HIPK3: variants seen among roughly 807,000 people sequenced by gnomAD.
The protein encoded by HIPK3 is homeodomain-interacting protein kinase 3.
Under a neutral mutation model 124.2 loss-of-function variants are expected in HIPK3, and 47 were observed. The ratio of observed to expected loss-of-function variants is 0.38; its 90% confidence interval spans 0.30 to 0.48. The LOEUF (loss-of-function observed/expected upper bound fraction) is 0.48, where lower values mean the gene tolerates loss of function less well. Ranked by LOEUF, HIPK3 falls within the 20% of genes least tolerant of loss-of-function variation. The pLI, the probability that HIPK3 is intolerant of heterozygous loss-of-function variation, is 0.98. For missense variants in HIPK3, 1,286 were observed against 1,454.3 expected (o/e 0.88, Z 1.88); for synonymous variants, 482 against 515.2 (o/e 0.94, Z 0.87).
intron 1 of HIPK3, among the ~76,000 whole-genome samples, chr11:33,260,700 A>T (rs1331271058): frequency 2.6e-5 from 4 of 152,220 alleles, no homozygotes; most frequent in Non-Finnish European, 1.5e-5. Flanking sequence ...AGATGAAAAG[A>T]TGTCATGGTA....
chr11:33,349,349 C>A (rs1049937561), intron 14 of HIPK3, 62 bp downstream of exon 14: 246 of 1,385,204 alleles, frequency 1.8e-4, no homozygotes, highest in Non-Finnish European at 2.6e-5. Flanking sequence ...CCTACGATTT[C>A]TTTCTGTTGT....
intron 3 of HIPK3, 69 bp from the exon 4 acceptor site, chr11:33,337,006 C>T (rs1223458809): frequency 1.8e-6 from 2 of 1,129,568 alleles, no homozygotes; most frequent in South Asian, 1.5e-5. Flanking sequence ...AACATATAGC[C>T]TAGTGTCTGA....
chr11:33,348,585 T>C lies in HIPK3; in HGVS notation c.2433T>C (p.Asn811=). The change falls in exon 13 of 17, where the codon AAT becomes AAC. Residue 811 remains asparagine (N), a synonymous_variant. Coordinates refer to ENST00000303296, the MANE Select transcript of HIPK3 (RefSeq NM_005734.5). ...CATTTATTTCTCCAAAGATAATTAA[T>C]GGGAAAGATGTCGAGGAAGTAAGTT... is the stretch of plus-strand genomic sequence containing the variant. The part of the protein sequence containing the change: ...HSAFISPKII[N]GKDVEEVSCI... The C allele has an allele frequency of 6.2e-7, 1 of 1,613,718 alleles. No individual in the cohort carries two copies. The highest frequency in any genetic ancestry group is 8.5e-7 in the Non-Finnish European group (1 of 1,179,630).
rs1280777867 is a variant in HIPK3 at position 33,338,668 on chromosome 11, T to C, written c.1342-89T>C. 3 of 672,220 alleles carry C rather than the reference T, an allele frequency of 4.5e-6. No homozygotes were observed. The East Asian group carries it at 9.1e-5, about 20-fold the overall frequency. The allele number at this position is 672,220 out of a possible 1,614,324, so 41.6% of individuals were successfully genotyped here. ...TCTCTTTTGAAATTACTATTTGCCT[T>C]AGAATATTTAATATATTAGACTAAA... On this transcript the variant is annotated intron_variant, in intron 4 of 16. Coordinates refer to ENST00000303296, the MANE Select transcript of HIPK3 (RefSeq NM_005734.5).
In HIPK3 at chr11:33,287,080, T is replaced by A. The variant is rs374098516; in HGVS notation, c.666T>A (p.Ile222=). The change falls in exon 2 of 17, where the codon ATT becomes ATA. Residue 222 remains isoleucine, a synonymous_variant. Transcript: ENST00000303296. Reference sequence around the variant, plus strand: ...GCTGGAAAAGAGGGACAAATGAAATTGTAGCAATCAAAATTTTGAAGAATC... The same window carrying A: ...GCTGGAAAAGAGGGACAAATGAAATAGTAGCAATCAAAATTTTGAAGAATC... ...VKCWKRGTNE[I]VAIKILKNHP... is the part of the protein sequence containing the mutation. 1.9e-6 allele frequency: 3 copies of A among 1,614,074 alleles called. No homozygotes were observed. In the Admixed American group the frequency reaches 5.0e-5, roughly 27 times the overall value.
intron 14 of HIPK3, among the ~76,000 whole-genome samples, chr11:33,351,361 GA>G (rs761305660): frequency 2.2e-4 from 32 of 145,544 alleles, no homozygotes; most frequent in South Asian, 1.1e-3. Context: ...AGGGAAAGAA[GA>G]AAAAAAAAAT....
intron 4 of HIPK3, among the ~76,000 whole-genome samples, 156 bp downstream of exon 4, chr11:33,337,350 C>T (rs1853182580): frequency 6.7e-6 from 1 of 149,716 alleles, no homozygotes; most frequent in South Asian, 2.1e-4. Context: ...TTATTTTTTT[C>T]AATTTTTTTA....
At chr11:33,311,647 C>A (rs1293546349) in intron 2 of HIPK3, among the ~76,000 whole-genome samples, 1 of 152,092 alleles carries the variant, frequency 6.6e-6, no homozygotes, top group African/African-American at 2.4e-5. Context: ...GATTGATAAA[C>A]CTCCATTGAT....
intron 2 of HIPK3, among the ~76,000 whole-genome samples, chr11:33,301,832 A>G (rs181891663): frequency 2.6e-5 from 4 of 151,136 alleles, no homozygotes; most frequent in Admixed American, 2.6e-4. Flanking sequence ...ACACACACAC[A>G]CACACACACA....
chr11:33,258,695 G>A, intron 1 of HIPK3: 1 of 985,408 alleles, frequency 1.0e-6, no homozygotes, highest in Non-Finnish European at 1.2e-6. Flanking sequence ...AAAATGGTAT[G>A]TGGCTCTCGG....
intron 1 of HIPK3, among the ~76,000 whole-genome samples, chr11:33,262,490 C>T (rs1850851209): frequency 6.6e-6 from 1 of 152,350 alleles, no homozygotes; most frequent in Admixed American, 6.5e-5. Context: ...TGAGACACCA[C>T]TGTTATGCCA....
intron 2 of HIPK3, among the ~76,000 whole-genome samples, chr11:33,295,067 G>GT (rs1242709277): frequency 6.6e-6 from 1 of 151,976 alleles, no homozygotes; most frequent in Non-Finnish European, 1.5e-5. Flanking sequence ...ATGGACTGCT[G>GT]TGACAACATC....
chr11:33,321,473 T>C (rs747991175), intron 2 of HIPK3, among the ~76,000 whole-genome samples: 12 of 152,234 alleles, frequency 7.9e-5, no homozygotes, highest in Admixed American at 2.0e-4. Flanking sequence ...GAAAGAGATA[T>C]TGGTAATGAG....
At chr11:33,314,041 C>T (rs1221590131) in intron 2 of HIPK3, among the ~76,000 whole-genome samples, 1 of 151,932 alleles carries the variant, frequency 6.6e-6, no homozygotes, top group East Asian at 1.9e-4. Context: ...AGGCTGGTCT[C>T]GTACTCCTGG....
chr11:33,275,086 C>A (rs1432096172), intron 1 of HIPK3, among the ~76,000 whole-genome samples: 4 of 152,024 alleles, frequency 2.6e-5, no homozygotes, highest in Non-Finnish European at 5.9e-5. Flanking sequence ...GTCACCCAGG[C>A]TGGAATGCAG....
chr11:33,321,440 G>A (rs1852660110), intron 2 of HIPK3, among the ~76,000 whole-genome samples: 1 of 152,138 alleles, frequency 6.6e-6, no homozygotes, highest in African/African-American at 2.4e-5. Context: ...TTCCAAGATG[G>A]AGATCTAGAA....
rs980455374 is a variant in HIPK3, at chr11:33,336,985, A to G, written c.1222-90A>G. ...TTGAGGGCATAGACTATGTATTTTCATACCTGACCTAACATATAGCCTAGT... is the reference window on the plus strand; with the variant it reads ...TTGAGGGCATAGACTATGTATTTTCGTACCTGACCTAACATATAGCCTAGT... On this transcript the variant is annotated intron_variant, in intron 3 of 16. Transcript: ENST00000303296. 3.4e-6 allele frequency: 3 copies of G among 885,642 alleles called. No homozygotes were observed. In the Admixed American group the frequency reaches 8.2e-5, roughly 24 times the overall value. The allele number at this position is 885,642 out of a possible 1,614,324, so 54.9% of individuals were successfully genotyped here.
chr11:33,286,731 C>G lies in HIPK3; in HGVS notation c.317C>G (p.Ala106Gly). 6.2e-7 allele frequency: 1 copy of G among 1,614,092 alleles called. No homozygotes were observed. Among genetic ancestry groups the G allele is most frequent in the Non-Finnish European group, 8.5e-7 (1 of 1,180,018 alleles). Residue 106 changes from alanine to glycine, a missense_variant, in exon 2 of 17, where the codon GCA (alanine) becomes GGA (glycine). Ala to Gly is a moderately conservative substitution (Grantham distance 60). Coordinates refer to ENST00000303296, the MANE Select transcript of HIPK3 (RefSeq NM_005734.5). ...CAGGCACAGCAAGCTCACGTGCAGG[C>G]ACCTCAGATTGGGGCGTGGCGAAAC... ...AAQAQQAHVQ[A>G]PQIGAWRNRL...
At chr11:33,311,975 T>TACACACACACACACACACACACAC (rs71034672) in intron 2 of HIPK3, among the ~76,000 whole-genome samples, 7 of 137,082 alleles carry the variant, frequency 5.1e-5, no homozygotes, top group Middle Eastern at 3.9e-3. Context: ...ACCCTGTTTC[T>TACACACACACACACACACACACAC]ACACACACAC....
Sources: allele counts gnomAD v4.1 joint callset (sites outside exome capture counted in the v4.1 genomes callset), GRCh38; gene constraint gnomAD v4.1.1; transcripts MANE v1.5; gene names NCBI Gene and HGNC (gene_info 2026-07-23, HGNC 2026-07-21).